MAPK10: variants seen among roughly 807,000 people sequenced by gnomAD.
MAPK10 encodes the protein JNK3 alpha protein kinase.
In MAPK10, 25 loss-of-function variants were observed where a neutral mutation model predicts 59.3. The ratio of observed to expected loss-of-function variants is 0.42; its 90% CI spans 0.31 to 0.59. The LOEUF is 0.59. MAPK10 is among the 20% of genes least tolerant of loss of function. The probability of loss-of-function intolerance (pLI) is 0.15; values close to 1 mark genes in which losing one functional copy is unlikely to be tolerated. For synonymous variants in MAPK10, 190 were observed against 200.5 expected, an observed-to-expected ratio of 0.95 and a Z score of 0.44; for missense variants, 351 against 568.9, an observed-to-expected ratio of 0.62 and a Z score of 3.90.
intron 2 of MAPK10, among the ~76,000 whole-genome samples, chr4:86,248,260 G>A (rs554758047): frequency 2.0e-4 from 31 of 152,232 alleles, no homozygotes; most frequent in African/African-American, 6.7e-4. Context: ...AGTTTAGAGA[G>A]ATTATTTGAA....
At chr4:86,070,954 GA>G (rs1446381916) in intron 9 of MAPK10, among the ~76,000 whole-genome samples, 1 of 152,044 alleles carries the variant, frequency 6.6e-6, no homozygotes, top group Non-Finnish European at 1.5e-5. Flanking sequence ...CTAGATCCCT[GA>G]GGAATCGCCA....
intron 1 of MAPK10, among the ~76,000 whole-genome samples, chr4:86,522,418 G>A (rs1579471012): frequency 6.6e-6 from 1 of 152,264 alleles, no homozygotes; most frequent in East Asian, 1.9e-4. Flanking sequence ...TTCAAGAGTT[G>A]GTAGTTTATT....
chr4:86,179,741 T>C (rs1174716869), intron 3 of MAPK10, among the ~76,000 whole-genome samples: 3 of 152,056 alleles, frequency 2.0e-5, no homozygotes, highest in South Asian at 2.1e-4. Flanking sequence ...AGAACATACA[T>C]TGGGGAAGGG....
At chr4:86,343,319 C>T (rs1374233015) in intron 2 of MAPK10, among the ~76,000 whole-genome samples, 1 of 152,138 alleles carries the variant, frequency 6.6e-6, no homozygotes, top group Non-Finnish European at 1.5e-5. Context: ...GTACATCCCT[C>T]TTGTTAGAAC....
intron 2 of MAPK10, among the ~76,000 whole-genome samples, chr4:86,299,503 G>A (rs922043994): frequency 3.3e-5 from 5 of 152,240 alleles, no homozygotes; most frequent in East Asian, 1.9e-4. Context: ...TCTAGGAAAC[G>A]AGACCGCACC....
In MAPK10 at chr4:86,215,502, A is replaced by C. The variant is rs572945399; in HGVS notation, c.-6-21095T>G. Among the ~76,000 whole-genome samples the C allele has an allele frequency of 3.3e-5, 5 of 152,346 alleles. No homozygotes were observed. In the East Asian group the frequency reaches 9.6e-4, roughly 29 times the overall value. On this transcript the variant is annotated intron_variant, in intron 2 of 13. Coordinates refer to ENST00000641462, the MANE Select transcript of MAPK10 (RefSeq NM_138982.4). ...GGAGTGGGAGAAAATATTTTCAAATAATACAGATAAAAAGAAATTCAAATC... is the reference window on the plus strand; with the variant it reads ...GGAGTGGGAGAAAATATTTTCAAATCATACAGATAAAAAGAAATTCAAATC...
chr4:86,166,560 A>G (rs1248078398), intron 3 of MAPK10, among the ~76,000 whole-genome samples: 1 of 152,206 alleles, frequency 6.6e-6, no homozygotes, highest in East Asian at 1.9e-4. Flanking sequence ...CTCCTAAACC[A>G]CAGTACCATT....
chr4:86,411,547 G>A (rs1396784579), intron 1 of MAPK10, among the ~76,000 whole-genome samples: 1 of 152,178 alleles, frequency 6.6e-6, no homozygotes, highest in Non-Finnish European at 1.5e-5. Context: ...AAGTCTCTTT[G>A]TAGGTCTCTA....
intron 2 of MAPK10, among the ~76,000 whole-genome samples, chr4:86,316,094 C>T (rs769695741): frequency 2.6e-5 from 4 of 152,084 alleles, no homozygotes; most frequent in Non-Finnish European, 5.9e-5. Flanking sequence ...AACACTGTTG[C>T]TACTCCCTAA....
intron 1 of MAPK10, among the ~76,000 whole-genome samples, chr4:86,510,849 G>T (rs1278945904): frequency 6.6e-6 from 1 of 152,144 alleles, no homozygotes; most frequent in Admixed American, 6.6e-5. Flanking sequence ...TCTCATGGAG[G>T]TAGAGAGTAA....
intron 1 of MAPK10, among the ~76,000 whole-genome samples, chr4:86,550,402 A>AAC (rs1759680379): frequency 1.7e-5 from 2 of 119,620 alleles, no homozygotes; most frequent in Non-Finnish European, 3.7e-5. Flanking sequence ...AAAAAAAAAA[A>AAC]AAAAAAAAAC....
intron 2 of MAPK10, among the ~76,000 whole-genome samples, chr4:86,281,145 T>C (rs1295935225): frequency 6.6e-6 from 1 of 152,164 alleles, no homozygotes; most frequent in Non-Finnish European, 1.5e-5. Flanking sequence ...TCAGTTTCTG[T>C]TATTTGCAAC....
At chr4:86,512,376 T>C (rs559601841) in intron 1 of MAPK10, among the ~76,000 whole-genome samples, 2 of 152,314 alleles carry the variant, frequency 1.3e-5, no homozygotes, top group Admixed American at 1.3e-4. Flanking sequence ...TGGAATATCA[T>C]ATTTGAGAAC....
At chr4:86,206,204 C>T (rs2083887469) in intron 2 of MAPK10, among the ~76,000 whole-genome samples, 1 of 151,738 alleles carries the variant, frequency 6.6e-6, no homozygotes, top group South Asian at 2.1e-4. Flanking sequence ...CGTCCCCCCA[C>T]CTCGCAACAG....
At chr4:86,300,743 C>T (rs748162145) in intron 2 of MAPK10, 5 of 152,214 alleles carry the variant, frequency 3.3e-5, no homozygotes, top group Non-Finnish European at 7.4e-5. Flanking sequence ...ATTTGCTTTT[C>T]CACCACCTGG....
chr4:86,149,064 T>C (rs1171398560), intron 4 of MAPK10, among the ~76,000 whole-genome samples: 2 of 152,274 alleles, frequency 1.3e-5, no homozygotes, highest in African/African-American at 4.8e-5. Context: ...TCATGACATA[T>C]GTGCTAGATT....
At chr4:86,330,071 G>A (rs1196854922) in intron 2 of MAPK10, among the ~76,000 whole-genome samples, 1 of 152,160 alleles carries the variant, frequency 6.6e-6, no homozygotes, top group African/African-American at 2.4e-5. Flanking sequence ...GTGTACACAT[G>A]TGTCCGTATC....
chr4:86,073,966 G>A (rs1430802208), intron 9 of MAPK10, among the ~76,000 whole-genome samples: 1 of 100,300 alleles, frequency 1.0e-5, no homozygotes, highest in Non-Finnish European at 2.1e-5. Flanking sequence ...TTTCTGTCTC[G>A]TTGATCTGTC....
At chr4:86,499,162 G>A (rs1241227437) in intron 1 of MAPK10, among the ~76,000 whole-genome samples, 1 of 152,136 alleles carries the variant, frequency 6.6e-6, no homozygotes, top group Non-Finnish European at 1.5e-5. Context: ...TCAGTGTCTG[G>A]GGAGTAAGGA....
Sources: allele counts gnomAD v4.1 joint callset (sites outside exome capture counted in the v4.1 genomes callset), GRCh38; gene constraint gnomAD v4.1.1; transcripts MANE v1.5; gene names NCBI Gene and HGNC (gene_info 2026-07-23, HGNC 2026-07-21).